Variants in PRKAG2 observed in about 807,000 individuals in gnomAD.
PRKAG2 encodes the protein protein kinase AMP-activated non-catalytic subunit gamma 2, also known as 5'-AMP-activated protein kinase subunit gamma-2.
In PRKAG2, 26 loss-of-function variants were observed where a neutral mutation model predicts 69.6. That is an observed-to-expected ratio of 0.37 (90% CI 0.27 to 0.52). The LOEUF (loss-of-function observed/expected upper bound fraction) is 0.52. Among genes scored for constraint, PRKAG2 ranks in the 20% least tolerant of loss-of-function variants. PRKAG2 has a pLI of 0.90. For missense variants in PRKAG2, 557 were observed against 740.0 expected, an observed-to-expected ratio of 0.75 and a Z score of 2.87; for synonymous variants, 293 against 285.0, an observed-to-expected ratio of 1.03 and a Z score of -0.28.
In PRKAG2 at chr7:151,557,781, A is replaced by G. The variant is rs1804072885; in HGVS notation, c.1679-549T>C. ...GCTACTTGGGAGACTGAGGCAGGAGAATCGCTTGAATCCGGGAGGTGGAGG... is the reference window on the plus strand; with the variant it reads ...GCTACTTGGGAGACTGAGGCAGGAGGATCGCTTGAATCCGGGAGGTGGAGG... On this transcript the variant is annotated intron_variant, in intron 15 of 15. Transcript: ENST00000287878. The G allele has an allele frequency of 7.2e-6, 4 of 558,832 alleles. No individual in the cohort carries two copies. The Admixed American group carries it at 1.9e-4, about 27-fold the overall frequency. The allele number at this position is 558,832 out of a possible 1,614,324, so 34.6% of individuals were successfully genotyped here. A position where few individuals can be genotyped will look rare whatever the true frequency, so the allele number is the denominator to read the frequency against.
chr7:151,805,125 A>T (rs1043707494), intron 1 of PRKAG2, among the ~76,000 whole-genome samples: 3 of 152,204 alleles, frequency 2.0e-5, no homozygotes, highest in Admixed American at 6.5e-5. Context: ...GCTGTGCTCA[A>T]CAGAAATGCA....
intron 1 of PRKAG2, among the ~76,000 whole-genome samples, chr7:151,871,353 G>A (rs1391671392): frequency 1.3e-5 from 2 of 152,236 alleles, no homozygotes; most frequent in Non-Finnish European, 2.9e-5. Context: ...AGAGCAGGGA[G>A]CCAAGGCGGG....
At chr7:151,651,962 G>C (rs147035740) in intron 4 of PRKAG2, among the ~76,000 whole-genome samples, 2 of 152,286 alleles carry the variant, frequency 1.3e-5, no homozygotes, top group South Asian at 4.2e-4. Context: ...TTTCATGGGA[G>C]AAATAAGTTC....
intron 4 of PRKAG2, among the ~76,000 whole-genome samples, chr7:151,670,246 C>T (rs1439147693): frequency 1.3e-5 from 2 of 152,206 alleles, no homozygotes; most frequent in African/African-American, 2.4e-5. Flanking sequence ...CTGGAACTAT[C>T]ATCCATCCAC....
intron 4 of PRKAG2, among the ~76,000 whole-genome samples, chr7:151,668,592 G>C (rs189049410): frequency 6.6e-6 from 1 of 152,192 alleles, no homozygotes; most frequent in Admixed American, 6.5e-5. Context: ...CTCAGCTGGA[G>C]GTGCATCTCC....
chr7:151,763,225 ACAGT>A (rs1304905408), intron 3 of PRKAG2, among the ~76,000 whole-genome samples: 5 of 152,216 alleles, frequency 3.3e-5, no homozygotes, highest in African/African-American at 1.2e-4. Context: ...AAGGCCACAC[ACAGT>A]CAGACGCAGC....
chr7:151,725,404 T>G (rs1216848968), intron 3 of PRKAG2, among the ~76,000 whole-genome samples: 2 of 151,488 alleles, frequency 1.3e-5, no homozygotes, highest in Non-Finnish European at 2.9e-5. Context: ...GGAGTCAGGG[T>G]TGATGGGCCA....
At chr7:151,701,830 G>A (rs756578623) in intron 3 of PRKAG2, among the ~76,000 whole-genome samples, 6 of 133,870 alleles carry the variant, frequency 4.5e-5, no homozygotes, top group Non-Finnish European at 7.5e-5. Flanking sequence ...GCGACAGAGC[G>A]AGACTCTGTC....
At chr7:151,651,456 A>T (rs915988074) in intron 4 of PRKAG2, among the ~76,000 whole-genome samples, 1 of 152,052 alleles carries the variant, frequency 6.6e-6, no homozygotes, top group Admixed American at 6.5e-5. Flanking sequence ...AAAATACAAA[A>T]ATTAGCTGGG....
At chr7:151,697,196 T>C (rs1585848460) in intron 3 of PRKAG2, among the ~76,000 whole-genome samples, 1 of 151,614 alleles carries the variant, frequency 6.6e-6, no homozygotes, top group African/African-American at 2.4e-5. Context: ...GAACGGGGGG[T>C]GGTGTGTAGG....
At chr7:151,748,960 A>C (rs1334235203) in intron 3 of PRKAG2, among the ~76,000 whole-genome samples, 3 of 146,118 alleles carry the variant, frequency 2.1e-5, no homozygotes, top group Non-Finnish European at 4.4e-5. Flanking sequence ...TTTAAAACAC[A>C]GTTTTCTGGG....
intron 3 of PRKAG2, among the ~76,000 whole-genome samples, chr7:151,763,850 C>T (rs1052242658): frequency 6.6e-6 from 1 of 152,228 alleles, no homozygotes; most frequent in Non-Finnish European, 1.5e-5. Flanking sequence ...GCCCTAACAC[C>T]CATTTGCAGC....
intron 14 of PRKAG2, among the ~76,000 whole-genome samples, chr7:151,561,510 T>C (rs1384046922): frequency 2.0e-5 from 3 of 152,250 alleles, no homozygotes; most frequent in African/African-American, 7.2e-5. Context: ...TATAATGAAG[T>C]GGGATAGACT....
intron 3 of PRKAG2, among the ~76,000 whole-genome samples, chr7:151,742,902 C>A (rs1184047293): frequency 6.6e-6 from 1 of 152,174 alleles, no homozygotes; most frequent in Non-Finnish European, 1.5e-5. Flanking sequence ...TTGGATCCCA[C>A]GATTAGAGAT....
At chr7:151,700,998 C>T (rs1209487928) in intron 3 of PRKAG2, among the ~76,000 whole-genome samples, 3 of 152,238 alleles carry the variant, frequency 2.0e-5, no homozygotes, top group Non-Finnish European at 4.4e-5. Context: ...GATGTGCCAA[C>T]TGAGTCATGC....
In PRKAG2 at chr7:151,614,019, T is replaced by C. The variant is rs935818926; in HGVS notation, c.754+18050A>G. Among the ~76,000 whole-genome samples, 5 of 152,100 alleles carry C rather than the reference T, an allele frequency of 3.3e-5. No individual in the cohort carries two copies. Among genetic ancestry groups the C allele is most frequent in the Non-Finnish European group, 7.4e-5 (5 of 68,012 alleles). On this transcript the variant is annotated intron_variant, in intron 5 of 15. Coordinates refer to ENST00000287878, the MANE Select transcript of PRKAG2 (RefSeq NM_016203.4). The surrounding 1 kb of genome is among the most constrained non-coding windows in gnomAD (Gnocchi z 4.4). ...GCTTTCGCTATGTTGGTCAGGCTGGTCTCGAACTTCTGACCTCAGGTGATC... is the reference window on the plus strand; with the variant it reads ...GCTTTCGCTATGTTGGTCAGGCTGGCCTCGAACTTCTGACCTCAGGTGATC...
intron 4 of PRKAG2, among the ~76,000 whole-genome samples, chr7:151,635,021 C>T (rs2151340041): frequency 6.7e-6 from 1 of 149,022 alleles, no homozygotes; most frequent in South Asian, 2.2e-4. Flanking sequence ...CCTATCTCAA[C>T]TCACTGCAAC....
At chr7:151,767,578 AC>A (rs1398310396) in intron 3 of PRKAG2, among the ~76,000 whole-genome samples, 1 of 152,276 alleles carries the variant, frequency 6.6e-6, no homozygotes, top group Non-Finnish European at 1.5e-5. Flanking sequence ...GGCGTGAGCC[AC>A]CATGCCCAGC....
chr7:151,673,823 A>G (rs150458298), intron 4 of PRKAG2, among the ~76,000 whole-genome samples: 101 of 149,088 alleles, frequency 6.8e-4, no homozygotes, highest in Non-Finnish European at 9.8e-4. Context: ...GCCCTCATCC[A>G]ATGTAGCTTG....
Sources: gnomAD v4.1 joint callset for allele counts (sites outside exome capture counted in the v4.1 genomes callset) on GRCh38, gnomAD v4.1.1 for gene constraint, Gnocchi (gnomAD v3.1) non-coding constraint, MANE v1.5 for transcripts, NCBI Gene and HGNC (gene_info 2026-07-23, HGNC 2026-07-21) for gene names.